TRPM3: variants seen among roughly 807,000 people sequenced by gnomAD.
The protein encoded by TRPM3 is long transient receptor potential channel 3.
Under a neutral mutation model 181.2 loss-of-function variants are expected in TRPM3, and 77 were observed. The ratio of observed to expected loss-of-function variants is 0.42; its 90% CI spans 0.35 to 0.51. The LOEUF is 0.51. TRPM3 is among the 20% of genes least tolerant of loss of function. The probability of loss-of-function intolerance (pLI) is 0.01; values close to 1 mark genes in which losing one functional copy is unlikely to be tolerated. For missense variants in TRPM3, 1,759 were observed against 2,196.7 expected (o/e 0.80, Z 3.98); for synonymous variants, 745 against 796.4 (o/e 0.94, Z 1.09).
chr9:71,268,857 A>C (rs1288954295), intron 1 of TRPM3, among the ~76,000 whole-genome samples: 1 of 152,156 alleles, frequency 6.6e-6, no homozygotes, highest in East Asian at 1.9e-4. Context: ...ATTAAAAAAA[A>C]CAAAGAATCA....
At chr9:71,153,889 C>T (rs1359998231) in intron 1 of TRPM3, among the ~76,000 whole-genome samples, 1 of 152,062 alleles carries the variant, frequency 6.6e-6, no homozygotes, top group African/African-American at 2.4e-5. Flanking sequence ...AACTTAGCAA[C>T]CTTATTGCAC....
intron 5 of TRPM3, among the ~76,000 whole-genome samples, chr9:70,829,789 G>T (rs777015303): frequency 2.0e-5 from 3 of 152,142 alleles, no homozygotes; most frequent in Non-Finnish European, 4.4e-5. Flanking sequence ...CCGAAACACA[G>T]AGACAGTGGT....
At chr9:71,275,489 C>A (rs1454506732) in intron 1 of TRPM3, among the ~76,000 whole-genome samples, 1 of 151,520 alleles carries the variant, frequency 6.6e-6, no homozygotes, top group Non-Finnish European at 1.5e-5. Context: ...ATTCCAACCC[C>A]GTGTGTGTGT....
chr9:70,619,184 G>A (rs2063230136), intron 16 of TRPM3, 89 bp from the exon 17 acceptor site: 2 of 1,077,092 alleles, frequency 1.9e-6, no homozygotes, highest in East Asian at 5.1e-5. Context: ...CAGAAAATGG[G>A]GTCACTGGAT....
rs537642915 is a variant in TRPM3, at chr9:71,100,831, T to C, written c.177+20347A>G. Among the ~76,000 whole-genome samples the C allele has an allele frequency of 2.2e-4, 34 of 152,278 alleles. 1 individual carries two copies. The highest frequency in any genetic ancestry group is 7.7e-4 in the African/African-American group (32 of 41,568). ...TGCCTTACACAAAGTAAATGCTTAA[T>C]AAATAGTAGCTGTTATTAAATTTGA... On this transcript the variant is annotated intron_variant, in intron 1 of 25. Coordinates refer to ENST00000677713, the MANE Select transcript of TRPM3 (RefSeq NM_001366145.2).
chr9:71,386,572 A>C (rs2092928641), intron 1 of TRPM3, among the ~76,000 whole-genome samples: 1 of 152,190 alleles, frequency 6.6e-6, no homozygotes, highest in East Asian at 1.9e-4. Context: ...ATCAAGGTAC[A>C]GATGTATCTG....
chr9:71,321,212 T>A (rs147304317), intron 1 of TRPM3, among the ~76,000 whole-genome samples: 12 of 152,326 alleles, frequency 7.9e-5, no homozygotes, highest in African/African-American at 2.9e-4. Context: ...CAATCATTTT[T>A]AAAATTCTTC....
chr9:71,018,802 C>T (rs2097811216), intron 1 of TRPM3, among the ~76,000 whole-genome samples: 1 of 151,822 alleles, frequency 6.6e-6, no homozygotes, highest in Non-Finnish European at 1.5e-5. Context: ...ATGAAGCCAA[C>T]AAACCTTGAT....
intron 2 of TRPM3, 86 bp from the exon 3 acceptor site, chr9:70,863,198 G>C: frequency 1.7e-6 from 2 of 1,170,436 alleles, no homozygotes; most frequent in Non-Finnish European, 2.4e-6. Flanking sequence ...GAAATCTATA[G>C]TCTGTGCCAA....
chr9:71,417,343 A>T (rs1055841567), intron 1 of TRPM3, among the ~76,000 whole-genome samples: 13 of 152,012 alleles, frequency 8.6e-5, no homozygotes, highest in African/African-American at 2.9e-4. Context: ...TAATGGGTGT[A>T]TAGTGATATC....
intron 21 of TRPM3, among the ~76,000 whole-genome samples, chr9:70,593,459 G>A (rs1184032184): frequency 6.6e-6 from 1 of 152,158 alleles, no homozygotes; most frequent in Non-Finnish European, 1.5e-5. Flanking sequence ...GGTTGGGAGA[G>A]GAAGGTTTGT....
At chr9:71,248,578 T>C (rs913587807) in intron 1 of TRPM3, among the ~76,000 whole-genome samples, 5 of 152,206 alleles carry the variant, frequency 3.3e-5, no homozygotes, top group African/African-American at 4.8e-5. Context: ...TATTTTAATT[T>C]TGTTGAGGTT....
chr9:71,266,439 C>A (rs1203834630), intron 1 of TRPM3, among the ~76,000 whole-genome samples: 1 of 141,762 alleles, frequency 7.1e-6, no homozygotes, highest in African/African-American at 2.5e-5. Flanking sequence ...CCATTATATT[C>A]TTTGTTTTCT....
At chr9:71,408,572 T>C (rs985779118) in intron 1 of TRPM3, among the ~76,000 whole-genome samples, 2 of 151,948 alleles carry the variant, frequency 1.3e-5, no homozygotes, top group African/African-American at 4.8e-5. Flanking sequence ...TAAAAAGAAA[T>C]GAACAAAGCC....
At chr9:70,941,547 C>T (rs1273515101) in intron 1 of TRPM3, among the ~76,000 whole-genome samples, 1 of 152,190 alleles carries the variant, frequency 6.6e-6, no homozygotes, top group Admixed American at 6.5e-5. Context: ...TAATAAACCC[C>T]TCTTCATATA....
At chr9:71,269,133 T>C (rs911991298) in intron 1 of TRPM3, among the ~76,000 whole-genome samples, 1 of 152,176 alleles carries the variant, frequency 6.6e-6, no homozygotes, top group Non-Finnish European at 1.5e-5. Flanking sequence ...CTTTGAATAA[T>C]AATAAGAACA....
intron 1 of TRPM3, among the ~76,000 whole-genome samples, chr9:71,273,898 A>T (rs956377275): frequency 9.9e-5 from 15 of 152,020 alleles, no homozygotes; most frequent in African/African-American, 3.6e-4. Flanking sequence ...GCTCCCCAAG[A>T]CCCTCCTCCC....
chr9:71,218,482 G>C (rs1257420473), intron 1 of TRPM3, among the ~76,000 whole-genome samples: 1 of 152,182 alleles, frequency 6.6e-6, no homozygotes, highest in Non-Finnish European at 1.5e-5. Flanking sequence ...TTTGAACCTA[G>C]ACAATCTAGC....
At chr9:71,191,181 A>T (rs934410414) in intron 1 of TRPM3, among the ~76,000 whole-genome samples, 4 of 151,800 alleles carry the variant, frequency 2.6e-5, no homozygotes, top group African/African-American at 9.7e-5. Context: ...GCCCTCTTAA[A>T]CATAAAGCTG....
Sources: gnomAD v4.1 joint callset for allele counts (sites outside exome capture counted in the v4.1 genomes callset) on GRCh38, gnomAD v4.1.1 for gene constraint, MANE v1.5 for transcripts, NCBI Gene and HGNC (gene_info 2026-07-23, HGNC 2026-07-21) for gene names.